Variants in ARSG observed in about 807,000 individuals in gnomAD.
The protein encoded by ARSG is arylsulfatase G, also known as ASG.
ARSG carries 37 observed loss-of-function variants against 50.5 expected under a neutral mutation model. The ratio of observed to expected loss-of-function variants is 0.73; its 90% CI spans 0.56 to 0.96. The LOEUF (loss-of-function observed/expected upper bound fraction) is 0.96. Among genes scored for constraint, ARSG ranks in the 50% least tolerant of loss-of-function variants. The pLI is 0.00. For synonymous variants in ARSG, 225 were observed against 254.6 expected (o/e 0.88, Z 1.11); for missense variants, 629 against 675.3 (o/e 0.93, Z 0.76).
At chr17:68,397,152 C>T (rs1334090241) in intron 10 of ARSG, among the ~76,000 whole-genome samples, 2 of 152,142 alleles carry the variant, frequency 1.3e-5, no homozygotes, top group African/African-American at 4.8e-5. Context: ...TGCGCAGGCT[C>T]GTAGAGACCC....
rs1459740013 is a variant in ARSG, at chr17:68,399,111, T to C, written c.1213-2249T>C. Among the ~76,000 whole-genome samples the C allele has an allele frequency of 6.6e-6, 1 of 152,182 alleles. No homozygotes were observed. Among genetic ancestry groups the C allele is most frequent in the East Asian group, 1.9e-4 (1 of 5,190 alleles). On this transcript the variant is annotated intron_variant, in intron 10 of 11. Coordinates refer to ENST00000621439, the MANE Select transcript of ARSG (RefSeq NM_001267727.2). This position sits in a 1 kb window ranked among gnomAD's most constrained non-coding sequence, Gnocchi z 4.6. ...TCTGCATCTGCCCAGCCTCACACAGTCTGGGGCTGCTGTGGGTCATCAAAT... is the reference window on the plus strand; with the variant it reads ...TCTGCATCTGCCCAGCCTCACACAGCCTGGGGCTGCTGTGGGTCATCAAAT...
At position 68,399,814 on chromosome 17, in the gene ARSG, A is replaced by G. The variant is rs897563029; in HGVS notation, c.1213-1546A>G. 3.3e-5 allele frequency among the ~76,000 whole-genome samples: 5 copies of G among 152,202 alleles called. No individual in the cohort carries two copies. The highest frequency in any genetic ancestry group is 7.2e-5 in the African/African-American group (3 of 41,450). On this transcript the variant is annotated intron_variant, in intron 10 of 11. Coordinates refer to ENST00000621439, the MANE Select transcript of ARSG (RefSeq NM_001267727.2). This position sits in a 1 kb window ranked among gnomAD's most constrained non-coding sequence, Gnocchi z 4.6. ...TCTTCTGCATGTCCGCGTGCATCGT[A>G]TATCAGTTGACAATAGATTTTCCAA...
At chr17:68,390,875 C>T (rs1007286267) in intron 9 of ARSG, among the ~76,000 whole-genome samples, 8 of 151,630 alleles carry the variant, frequency 5.3e-5, no homozygotes, top group African/African-American at 1.9e-4. Flanking sequence ...GATTCACCCT[C>T]CTCAGCCTCC....
chr17:68,404,803 T>A (rs997347325), intron 11 of ARSG, among the ~76,000 whole-genome samples: 1 of 152,008 alleles, frequency 6.6e-6, no homozygotes, highest in Non-Finnish European at 1.5e-5. Context: ...TTAAAAAGAG[T>A]GTTAGTATTT....
At chr17:68,289,428 G>C (rs2075916443), upstream of ARSG, among the ~76,000 whole-genome samples, 1 of 152,220 alleles carries the variant, frequency 6.6e-6, no homozygotes, top group Non-Finnish European at 1.5e-5. Flanking sequence ...TAGACCATCA[G>C]AGTGTTATTC....
chr17:68,295,618 C>T (rs2076175291), intron 1 of ARSG, among the ~76,000 whole-genome samples: 1 of 151,340 alleles, frequency 6.6e-6, no homozygotes, highest in Admixed American at 6.6e-5. Context: ...GCTTGAAGAC[C>T]AAACGTTTGA....
intron 10 of ARSG, 96 bp from the exon 11 acceptor site, chr17:68,401,264 C>T (rs1035261046): frequency 4.8e-5 from 51 of 1,068,178 alleles, no homozygotes; most frequent in South Asian, 2.4e-4. Context: ...CTCAAGTGAT[C>T]CTCCTGCCTC....
chr17:68,377,440 G>A (rs531114198), intron 8 of ARSG, among the ~76,000 whole-genome samples: 2 of 152,284 alleles, frequency 1.3e-5, no homozygotes, highest in South Asian at 4.1e-4. Context: ...TACATCGGTG[G>A]GAGGCAGAGA....
downstream of ARSG, chr17:68,421,928 G>A: frequency 2.1e-6 from 3 of 1,445,074 alleles, no homozygotes; most frequent in Non-Finnish European, 2.9e-6. Flanking sequence ...GAGAGGCTGG[G>A]CACTGTGGAA....
At position 68,307,178 on chromosome 17, in the gene ARSG, T is replaced by G. The variant is rs2076639186; in HGVS notation, c.-316T>G. 3.3e-6 allele frequency: 1 copy of G among 307,208 alleles called. No individual in the cohort carries two copies. Among genetic ancestry groups the G allele is most frequent in the Non-Finnish European group, 6.0e-6 (1 of 166,070 alleles). The allele number at this position is 307,208 out of a possible 1,614,324, so 19.0% of individuals were successfully genotyped here. On this transcript the variant is annotated 5_prime_UTR_variant, in exon 2 of 12. In the 5' UTR this introduces an upstream ATG that the reference lacks. Transcript: ENST00000621439. ...GCAGTTGTTGACATTGATGTCTAAT[T>G]ATTGAACACGACCAGTCATTTTACT... is the stretch of plus-strand genomic sequence containing the variant.
intron 3 of ARSG, 194 bp from the exon 4 acceptor site, chr17:68,346,931 T>C: frequency 2.0e-6 from 3 of 1,502,926 alleles, no homozygotes; most frequent in Non-Finnish European, 2.7e-6. Flanking sequence ...GGGGTCATCC[T>C]TTATGTGTCC....
intron 2 of ARSG, among the ~76,000 whole-genome samples, chr17:68,327,019 T>A (rs1357247944): frequency 6.6e-6 from 1 of 152,150 alleles, no homozygotes; most frequent in Non-Finnish European, 1.5e-5. Flanking sequence ...TGCAAGACAG[T>A]TTCACGTGCT....
chr17:68,401,285 G>C (rs1168497287), intron 10 of ARSG, 75 bp from the exon 11 acceptor site: 12 of 1,294,062 alleles, frequency 9.3e-6, no homozygotes, highest in Non-Finnish European at 1.3e-5. Context: ...GACCTCCCAA[G>C]GTATTGGGAT....
downstream of ARSG, among the ~76,000 whole-genome samples, chr17:68,424,151 A>T (rs1177194913): frequency 1.3e-5 from 2 of 152,236 alleles, no homozygotes; most frequent in African/African-American, 4.8e-5. Flanking sequence ...GTTAGGCAGC[A>T]TGCCAACAGA....
intron 2 of ARSG, among the ~76,000 whole-genome samples, chr17:68,318,521 G>T (rs1385149538): frequency 1.3e-5 from 2 of 152,260 alleles, no homozygotes; most frequent in Non-Finnish European, 2.9e-5. Context: ...TTGGGAGAGA[G>T]ACAGAGAATG....
chr17:68,352,140 GA>G, intron 5 of ARSG, among the ~76,000 whole-genome samples: 1 of 66,580 alleles, frequency 1.5e-5, no homozygotes, highest in African/African-American at 4.4e-5. Flanking sequence ...GAGAGAGACA[GA>G]GGAGAGAGAG....
rs775682355 is a variant in ARSG, at chr17:68,356,670, C to A, written c.570C>A (p.Asn190Lys). 2.3e-5 allele frequency: 37 copies of A among 1,614,088 alleles called. No individual in the cohort carries two copies. Among genetic ancestry groups the A allele is most frequent in the Non-Finnish European group, 2.8e-5 (33 of 1,180,034 alleles). Residue 190 changes from asparagine (N) to lysine (K), a missense_variant, in exon 6 of 12, where the codon AAC (asparagine) becomes AAA (lysine). Transcript: ENST00000621439. ...ACPQGDGPSR[N>K]LQRDCYTDVA... ...ATGGTCTGTGGTTTCCACACAGGAACCTTCAAAGAGACTGTTACACTGACG... is the reference window on the plus strand; with the variant it reads ...ATGGTCTGTGGTTTCCACACAGGAAACTTCAAAGAGACTGTTACACTGACG...
chr17:68,444,294 G>A, the ARSG span, among the ~76,000 whole-genome samples: 1 of 152,134 alleles, frequency 6.6e-6, no homozygotes, highest in Non-Finnish European at 1.5e-5. Flanking sequence ...GCAATGAAGG[G>A]CACACAGCCC....
rs77306466 is a variant in ARSG at position 68,359,296 on chromosome 17, T to G, written c.704+2492T>G. 5.5e-3 allele frequency among the ~76,000 whole-genome samples: 838 copies of G among 152,258 alleles called. 8 individuals are homozygous for G. The highest frequency in any genetic ancestry group is 0.019 in the African/African-American group (794 of 41,542). On this transcript the variant is annotated intron_variant, in intron 6 of 11. Coordinates refer to ENST00000621439, the MANE Select transcript of ARSG (RefSeq NM_001267727.2). ...AGGTGTCAGGGCAAAGAATGGACAT[T>G]GTGAAATAATGGACAACTCCAAAAT...
Sources: allele counts gnomAD v4.1 joint callset (sites outside exome capture counted in the v4.1 genomes callset), GRCh38; gene constraint gnomAD v4.1.1; non-coding constraint Gnocchi (gnomAD v3.1); transcripts MANE v1.5; gene names NCBI Gene and HGNC (gene_info 2026-07-23, HGNC 2026-07-21).